Variants in DISC1 observed in about 807,000 individuals in gnomAD.
DISC1 encodes the protein DISC1 scaffold protein.
In DISC1, 57 loss-of-function variants were observed where a neutral mutation model predicts 84.5. The ratio of observed to expected loss-of-function variants is 0.67; its 90% confidence interval spans 0.55 to 0.84. DISC1 has a LOEUF of 0.84. DISC1 is among the 40% of genes least tolerant of loss of function. The pLI is 0.00. For missense variants in DISC1, 1,000 were observed against 1,057.8 expected, an observed-to-expected ratio of 0.95 and a Z score of 0.76; for synonymous variants, 411 against 415.2, an observed-to-expected ratio of 0.99 and a Z score of 0.12.
intron 1 of DISC1, among the ~76,000 whole-genome samples, chr1:231,663,929 C>A (rs1349385838): frequency 2.0e-5 from 3 of 152,108 alleles, no homozygotes; most frequent in African/African-American, 7.2e-5. Context: ...TAAGGATTAG[C>A]TAATAGAAGC....
At chr1:231,856,694 T>G (rs7536839) in intron 9 of DISC1, among the ~76,000 whole-genome samples, 8,731 of 152,254 alleles carry the variant, frequency 0.057, 808 homozygotes, top group African/African-American at 0.2. Context: ...AGTGGGGAAC[T>G]GAAGTCATGG....
intron 8 of DISC1, among the ~76,000 whole-genome samples, chr1:231,807,064 AC>A (rs1461349497): frequency 6.6e-6 from 1 of 152,126 alleles, no homozygotes; most frequent in Non-Finnish European, 1.5e-5. Context: ...CTGCCTTCCC[AC>A]TGCTGGGGGC....
In DISC1 at chr1:231,688,566, A is replaced by G. The variant is rs143086546; in HGVS notation, c.68-5260A>G. Among the ~76,000 whole-genome samples, 552 of 152,330 alleles carry G rather than the reference A, an allele frequency of 3.6e-3. 1 individual carries two copies. The highest frequency in any genetic ancestry group is 0.013 in the African/African-American group (521 of 41,578). On this transcript the variant is annotated intron_variant, in intron 1 of 12. Transcript: ENST00000439617. ...ATGAGGTGGTTTTATGGGGTGGCACATAACTTGGAGCTCATGGGAGGCCTT... is the reference window on the plus strand; with the variant it reads ...ATGAGGTGGTTTTATGGGGTGGCACGTAACTTGGAGCTCATGGGAGGCCTT...
chr1:231,912,564 G>T (rs1239000788), intron 9 of DISC1, among the ~76,000 whole-genome samples: 1 of 152,132 alleles, frequency 6.6e-6, no homozygotes, highest in African/African-American at 2.4e-5. Flanking sequence ...AGGGGCACCT[G>T]GCCATATGGG....
intron 1 of DISC1, among the ~76,000 whole-genome samples, chr1:231,638,863 G>A (rs1413064854): frequency 6.6e-6 from 1 of 152,202 alleles, no homozygotes; most frequent in African/African-American, 2.4e-5. Context: ...CAGGGAAAGT[G>A]TGAATCATCA....
rs549012278 is a variant in DISC1 at position 231,763,506 on chromosome 1, C to T, written c.1269-3634C>T. Among the ~76,000 whole-genome samples, 14 of 152,212 alleles carry T rather than the reference C, an allele frequency of 9.2e-5. No individual in the cohort carries two copies. In the South Asian group the frequency reaches 2.3e-3, roughly 25 times the overall value. On this transcript the variant is annotated intron_variant, in intron 4 of 12. Transcript: ENST00000439617. ...GACCTTTAAGATTATTCAGAGAATC[C>T]GATCTTTTTGGTAGACTTAGGAACA...
At chr1:231,635,812 T>A (rs1415879510) in intron 1 of DISC1, among the ~76,000 whole-genome samples, 1 of 152,176 alleles carries the variant, frequency 6.6e-6, no homozygotes, top group East Asian at 1.9e-4. Flanking sequence ...ATATATATAC[T>A]TATGTTTGTA....
rs72760433 is a variant in DISC1 at position 231,846,854 on chromosome 1, G to A, written c.1981+28337G>A. Among the ~76,000 whole-genome samples, 1,422 of 152,294 alleles carry A rather than the reference G, an allele frequency of 9.3e-3. 14 individuals carry two copies. The highest frequency in any genetic ancestry group is 0.037 in the Middle Eastern group (11 of 294). ...AGGAACTGTTGAAAAAAGACTCTGG[G>A]ATTGGGCAGAACTAGAGTTTAGATC... On this transcript the variant is annotated intron_variant, in intron 9 of 12. Coordinates refer to ENST00000439617, the MANE Select transcript of DISC1 (RefSeq NM_018662.3).
At chr1:231,722,934 C>T in intron 3 of DISC1, 2 of 1,246,286 alleles carry the variant, frequency 1.6e-6, no homozygotes, top group Non-Finnish European at 2.0e-6. Flanking sequence ...GAGAAACCAC[C>T]CAAAAGCAAA....
At chr1:231,657,521 G>C (rs113033949) in intron 1 of DISC1, among the ~76,000 whole-genome samples, 3 of 152,238 alleles carry the variant, frequency 2.0e-5, no homozygotes, top group African/African-American at 7.2e-5. Flanking sequence ...TTTTGTTGCA[G>C]TTGCTTTGGT....
chr1:232,035,714 G>A (rs1670454316), intron 12 of DISC1, among the ~76,000 whole-genome samples: 1 of 152,164 alleles, frequency 6.6e-6, no homozygotes, highest in African/African-American at 2.4e-5. Flanking sequence ...TTGGATGAAA[G>A]TGGATCAATT....
Position 231,794,737 on chromosome 1 carries a change from A to T in DISC1, c.1635-505A>T, listed in dbSNP as rs1270786684. On this transcript the variant is annotated intron_variant, in intron 6 of 12. Coordinates refer to ENST00000439617, the MANE Select transcript of DISC1 (RefSeq NM_018662.3). ...GCTATGGAGAAAAGAGAAGCAGGAG[A>T]AGGCTAAGGGGGTGCTATCTCAGAC... is the stretch of plus-strand genomic sequence containing the variant. Among the ~76,000 whole-genome samples, 3 of 151,498 alleles carry T rather than the reference A, an allele frequency of 2.0e-5. No individual in the cohort carries two copies. In the East Asian group the frequency reaches 5.9e-4, roughly 30 times the overall value.
rs1324745313 is a variant in DISC1 at position 231,675,759 on chromosome 1, A to G, written c.68-18067A>G. ...GAGGTCCTTCTTACTCCCTTGTCCAATGTGTGACATCTTATCTTTTCCTCC... is the reference window on the plus strand; with the variant it reads ...GAGGTCCTTCTTACTCCCTTGTCCAGTGTGTGACATCTTATCTTTTCCTCC... On this transcript the variant is annotated intron_variant, in intron 1 of 12. Coordinates refer to ENST00000439617, the MANE Select transcript of DISC1 (RefSeq NM_018662.3). This position sits in a 1 kb window ranked among gnomAD's most constrained non-coding sequence, Gnocchi z 4.1. 2.0e-5 allele frequency among the ~76,000 whole-genome samples: 3 copies of G among 151,558 alleles called. No homozygotes were observed. Among genetic ancestry groups the G allele is most frequent in the African/African-American group, 7.3e-5 (3 of 41,206 alleles).
intron 9 of DISC1, among the ~76,000 whole-genome samples, chr1:231,862,467 A>C (rs909990699): frequency 6.6e-6 from 1 of 152,206 alleles, no homozygotes; most frequent in Non-Finnish European, 1.5e-5. Context: ...TAGTCTGCTT[A>C]TGAAAGAACT....
At chr1:231,852,490 A>G (rs950874194) in intron 9 of DISC1, among the ~76,000 whole-genome samples, 1 of 152,250 alleles carries the variant, frequency 6.6e-6, no homozygotes, top group African/African-American at 2.4e-5. Flanking sequence ...TTTCTTAAAC[A>G]CATTACTCTT....
chr1:231,806,847 C>T (rs1019790826), intron 8 of DISC1, among the ~76,000 whole-genome samples: 10 of 152,234 alleles, frequency 6.6e-5, no homozygotes, highest in African/African-American at 1.9e-4. Flanking sequence ...GAAGGGAAAG[C>T]GTCAGTGCCC....
At chr1:232,029,824 G>T (rs1418622796) in intron 12 of DISC1, among the ~76,000 whole-genome samples, 1 of 152,216 alleles carries the variant, frequency 6.6e-6, no homozygotes, top group African/African-American at 2.4e-5. Context: ...ACAGAGGTTA[G>T]GGGTGGGCAG....
At chr1:231,987,584 G>GA (rs377424648) in intron 10 of DISC1, among the ~76,000 whole-genome samples, 1 of 152,086 alleles carries the variant, frequency 6.6e-6, no homozygotes, top group African/African-American at 2.4e-5. Flanking sequence ...AGCCAGACAA[G>GA]AAAAAAATAT....
At chr1:231,720,871 A>T in intron 3 of DISC1, 1 of 1,290,972 alleles carries the variant, frequency 7.7e-7, no homozygotes, top group Non-Finnish European at 1.0e-6. Flanking sequence ...AGTTGCTACC[A>T]GTCATCTCAC....
Sources: allele counts gnomAD v4.1 joint callset (sites outside exome capture counted in the v4.1 genomes callset), GRCh38; gene constraint gnomAD v4.1.1; non-coding constraint Gnocchi (gnomAD v3.1); transcripts MANE v1.5; gene names NCBI Gene and HGNC (gene_info 2026-07-23, HGNC 2026-07-21).